Variants in RECK observed in about 807,000 individuals in gnomAD.
RECK encodes reversion-inducing cysteine-rich protein with Kazal motifs.
Under a neutral mutation model 115.1 loss-of-function variants are expected in RECK, and 69 were observed. That is an observed-to-expected ratio of 0.60 (90% CI 0.49 to 0.73). RECK has a LOEUF of 0.73. RECK is among the 30% of genes least tolerant of loss of function. The pLI, the probability that RECK is intolerant of heterozygous loss-of-function variation, is 0.00. For missense variants in RECK, 1,047 were observed against 1,203.7 expected (o/e 0.87, Z 1.93); for synonymous variants, 414 against 419.7 (o/e 0.99, Z 0.17).
intron 4 of RECK, among the ~76,000 whole-genome samples, chr9:36,062,028 G>C (rs1821792220): frequency 6.6e-6 from 1 of 151,918 alleles, no homozygotes; most frequent in African/African-American, 2.4e-5. Context: ...ACTTACTTCA[G>C]ATATAGATAC....
chr9:36,117,191 G>A lies in RECK; in HGVS notation c.2253+14G>A. On this transcript the variant is annotated intron_variant, in intron 17 of 20. Transcript: ENST00000377966. ...GGTCCCTGCCAGGTACAGTGCTTTG[G>A]CTGACAAAACAAAGTACACTACGGA... is the stretch of plus-strand genomic sequence containing the variant. 1 of 1,584,686 alleles carries A rather than the reference G, an allele frequency of 6.3e-7. No individual in the cohort carries two copies. The highest frequency in any genetic ancestry group is 8.6e-7 in the Non-Finnish European group (1 of 1,164,056).
chr9:36,108,225 A>G, intron 14 of RECK, 61 bp downstream of exon 14: 1 of 1,241,078 alleles, frequency 8.1e-7, no homozygotes, highest in Non-Finnish European at 1.1e-6. Flanking sequence ...CTTTGTAGGA[A>G]GAATACTGGA....
At chr9:36,046,155 T>C (rs926071483) in intron 1 of RECK, among the ~76,000 whole-genome samples, 1 of 152,238 alleles carries the variant, frequency 6.6e-6, no homozygotes, top group Non-Finnish European at 1.5e-5. Context: ...TAAACTATTA[T>C]TCTTGAAGAA....
At chr9:36,047,593 A>G (rs1331480462) in intron 1 of RECK, among the ~76,000 whole-genome samples, 1 of 152,120 alleles carries the variant, frequency 6.6e-6, no homozygotes, top group Non-Finnish European at 1.5e-5. Flanking sequence ...TGACAGCGCA[A>G]GACTCTCAAA....
chr9:36,085,572 T>C (rs1588311456), intron 8 of RECK: 1 of 151,122 alleles, frequency 6.6e-6, no homozygotes, highest in African/African-American at 2.4e-5. Flanking sequence ...AAAATAATAA[T>C]AATAATTAGC....
intron 18 of RECK, 81 bp downstream of exon 18, chr9:36,119,048 GAGAGCTCATTT>G: frequency 7.4e-7 from 1 of 1,343,786 alleles, no homozygotes; most frequent in East Asian, 2.3e-5. Flanking sequence ...TCATTGAGAA[GAGAGCTCATTT>G]ACGTTTTTCA....
In RECK at chr9:36,117,068, C is replaced by T. The variant is rs763436906; in HGVS notation, c.2144C>T (p.Ala715Val). Residue 715 changes from alanine (A) to valine (V), a missense_variant, in exon 17 of 21, where the codon GCG becomes GTG. Transcript: ENST00000377966. ...TATGAGTGTGTACCAAGACAGCTCG[C>T]GTGTGACCAGGTCCAAGATCCTGTT... ...SQYECVPRQLACDQVQDPVCD... is the reference protein window; with the variant it reads ...SQYECVPRQLVCDQVQDPVCD... 2.2e-5 allele frequency: 36 copies of T among 1,613,986 alleles called. No homozygotes were observed. Among genetic ancestry groups the T allele is most frequent in the Middle Eastern group, 1.6e-4 (1 of 6,084 alleles).
rs754745207 is a variant in RECK, at chr9:36,083,487, G to C, written c.562G>C (p.Ala188Pro). ...GATAAAAGCAGTGGAAAATTATTGC[G>C]CCTCTATTAGTCCACAATTAATACA... Reference protein sequence around the residue: ...SQIKAVENYCASISPQLIHCV... With the variant: ...SQIKAVENYCPSISPQLIHCV... Residue 188 changes from alanine (A) to proline (P), a missense_variant, in exon 8 of 21, where the codon GCC becomes CCC. Physicochemically the swap from Ala to Pro is conservative, Grantham distance 27 (BLOSUM62 -1). Coordinates refer to ENST00000377966, the MANE Select transcript of RECK (RefSeq NM_021111.3). 6.2e-7 allele frequency: 1 copy of C among 1,613,928 alleles called. No individual in the cohort carries two copies. Among genetic ancestry groups the C allele is most frequent in the Non-Finnish European group, 8.5e-7 (1 of 1,179,946 alleles).
At chr9:36,120,583 G>A in intron 18 of RECK, 80 bp from the exon 19 acceptor site, 2 of 1,174,114 alleles carry the variant, frequency 1.7e-6, no homozygotes, top group Non-Finnish European at 1.3e-6. Context: ...CCAAAATGAA[G>A]GGCTGGACAT....
At chr9:36,060,304 A>G (rs1821704905) in intron 4 of RECK, 149 bp downstream of exon 4, 1 of 707,552 alleles carries the variant, frequency 1.4e-6, no homozygotes, top group African/African-American at 1.8e-5. Context: ...TTTTTCTAAG[A>G]CACAGTCTTA....
chr9:36,037,077 G>A lies in RECK; in HGVS notation c.79G>A (p.Gly27Ser). 2 of 1,379,018 alleles carry A rather than the reference G, an allele frequency of 1.5e-6. No individual in the cohort carries two copies. Among genetic ancestry groups the A allele is most frequent in the Non-Finnish European group, 1.9e-6 (2 of 1,061,652 alleles). The allele number at this position is 1,379,018 out of a possible 1,614,324, so 85.4% of individuals were successfully genotyped here. The change falls in exon 1 of 21, where the codon GGC becomes AGC. Residue 27 changes from glycine (G) to serine (S), a missense_variant. By Grantham distance (56) the Gly-to-Ser change is moderately conservative. Transcript: ENST00000377966. ...AVAGVAEVAG[G>S]LAPGSAGALC... Reference sequence around the variant, plus strand: ...GGCGGGGGTCGCGGAGGTGGCAGGGGGCCTGGCTCCGGGCAGTGCGGGTGA... The same window carrying A: ...GGCGGGGGTCGCGGAGGTGGCAGGGAGCCTGGCTCCGGGCAGTGCGGGTGA...
chr9:36,099,224 TCAACAACAACAA>T (rs60403523), intron 10 of RECK, among the ~76,000 whole-genome samples: 12,027 of 146,900 alleles, frequency 0.082, 583 homozygotes, highest in South Asian at 0.17. Flanking sequence ...AGAACCTGTC[TCAACAACAACAA>T]CAACAACAAC....
At chr9:36,074,352 A>AGTG (rs1822362845) in intron 6 of RECK, among the ~76,000 whole-genome samples, 1 of 152,202 alleles carries the variant, frequency 6.6e-6, no homozygotes. Context: ...CTGAACCAAT[A>AGTG]TATTTAATAT....
At chr9:36,043,632 C>G (rs1284530786) in intron 1 of RECK, among the ~76,000 whole-genome samples, 1 of 152,042 alleles carries the variant, frequency 6.6e-6, no homozygotes, top group East Asian at 1.9e-4. Flanking sequence ...ATGTTATCTT[C>G]TAGAATTTTT....
intron 15 of RECK, among the ~76,000 whole-genome samples, chr9:36,110,382 C>A (rs1016049724): frequency 6.6e-6 from 1 of 152,084 alleles, no homozygotes; most frequent in Non-Finnish European, 1.5e-5. Context: ...TGGTAGAATA[C>A]CCCATTTACC....
chr9:36,097,327 CAA>C (rs56837267), intron 10 of RECK, among the ~76,000 whole-genome samples: 18 of 69,606 alleles, frequency 2.6e-4, no homozygotes, highest in African/African-American at 2.6e-4. Flanking sequence ...GACTCCATCT[CAA>C]AAAAAAAAAA....
At position 36,114,402 on chromosome 9, in the gene RECK, T is replaced by C. The variant is rs376400675; in HGVS notation, c.2060+1926T>C. Among the ~76,000 whole-genome samples, 26 of 152,344 alleles carry C rather than the reference T, an allele frequency of 1.7e-4. No individual in the cohort carries two copies. In the South Asian group the frequency reaches 3.9e-3, roughly 23 times the overall value. ...TCAGACTGGCAAAGCTAAAGTTTGA[T>C]AACATGGTATAGGGAAATAGCTGCT... On this transcript the variant is annotated intron_variant, in intron 16 of 20. Transcript: ENST00000377966.
At chr9:36,109,780 G>A (rs940216071) in intron 14 of RECK, among the ~76,000 whole-genome samples, 177 bp from the exon 15 acceptor site, 4 of 151,770 alleles carry the variant, frequency 2.6e-5, no homozygotes, top group African/African-American at 9.7e-5. Flanking sequence ...GGAAGCGGAG[G>A]TTGCAGTGAG....
rs140808995 is a variant in RECK, at chr9:36,082,062, C to A, written c.440-1303C>A. Among the ~76,000 whole-genome samples, 950 of 151,324 alleles carry A rather than the reference C, an allele frequency of 6.3e-3. 11 individuals are homozygous for A. Among genetic ancestry groups the A allele is most frequent in the African/African-American group, 0.021 (883 of 41,216 alleles). ...ATTATTTCTGGAAGTCACCAGAATC[C>A]CTGCTCATGGGTCTTTGGAATTCAC... On this transcript the variant is annotated intron_variant, in intron 7 of 20. Transcript: ENST00000377966.
Sources: allele counts gnomAD v4.1 joint callset (sites outside exome capture counted in the v4.1 genomes callset), GRCh38; gene constraint gnomAD v4.1.1; transcripts MANE v1.5; gene names NCBI Gene and HGNC (gene_info 2026-07-23, HGNC 2026-07-21).